The following CAPN13 variants were observed in gnomAD, a reference collection of about 807,000 sequenced individuals.
CAPN13 encodes calpain 13, also known as calpain-13.
In CAPN13, 90 loss-of-function variants were observed where a neutral mutation model predicts 98.4. The observed-to-expected ratio is 0.92, with a 90% confidence interval of 0.77 to 1.09. The LOEUF (loss-of-function observed/expected upper bound fraction) is 1.09, where lower values mean the gene tolerates loss of function less well. CAPN13 is among the 50% of genes least tolerant of loss of function. The probability of loss-of-function intolerance (pLI) is 0.00; values close to 1 mark genes in which losing one functional copy is unlikely to be tolerated. For missense variants in CAPN13, 887 were observed against 841.3 expected, an observed-to-expected ratio of 1.05 and a Z score of -0.67; for synonymous variants, 330 against 305.5, an observed-to-expected ratio of 1.08 and a Z score of -0.84.
At chr2:30,777,323 T>C (rs148324383) in intron 3 of CAPN13, among the ~76,000 whole-genome samples, 1 of 152,314 alleles carries the variant, frequency 6.6e-6, no homozygotes, top group East Asian at 1.9e-4. Context: ...TAAAATGGGG[T>C]TGTTGCACAC....
intron 5 of CAPN13, among the ~76,000 whole-genome samples, chr2:30,769,543 C>A (rs1673288281): frequency 6.6e-6 from 1 of 152,172 alleles, no homozygotes; most frequent in Non-Finnish European, 1.5e-5. Context: ...CATCCACAGT[C>A]CTGCACACAA....
rs116346145 is a variant in CAPN13, at chr2:30,730,520, A to G, written c.*30+210T>C. Among the ~76,000 whole-genome samples, 732 of 152,278 alleles carry G rather than the reference A, an allele frequency of 4.8e-3. 7 individuals are homozygous for G. Among genetic ancestry groups the G allele is most frequent in the African/African-American group, 0.017 (703 of 41,542 alleles). On this transcript the variant is annotated intron_variant, in intron 22 of 22. Transcript: ENST00000295055. Reference sequence around the variant, plus strand: ...CCTTTCAAGCCATGCCTTTCCATAAAGGTCCATTGGTCTACATTGTCTGCA... The same window carrying G: ...CCTTTCAAGCCATGCCTTTCCATAAGGGTCCATTGGTCTACATTGTCTGCA...
intron 9 of CAPN13, among the ~76,000 whole-genome samples, chr2:30,753,628 C>G (rs1672289177): frequency 6.6e-6 from 1 of 152,190 alleles, no homozygotes. Context: ...ATCCCACCTC[C>G]TACTGTGATT....
intron 4 of CAPN13, among the ~76,000 whole-genome samples, chr2:30,774,635 A>G (rs1673593669): frequency 6.6e-6 from 1 of 152,172 alleles, no homozygotes; most frequent in Non-Finnish European, 1.5e-5. Context: ...GACCTGTTGG[A>G]TAGCTATTGA....
At chr2:30,758,813 CT>C (rs1433192470) in intron 7 of CAPN13, among the ~76,000 whole-genome samples, 1 of 85,954 alleles carries the variant, frequency 1.2e-5, no homozygotes, top group African/African-American at 5.5e-5. Context: ...CCTCCCTTCC[CT>C]TCCTCCCTTC....
At position 30,757,118 on chromosome 2, in the gene CAPN13, TCATGTTCCCCA is replaced by T. The variant is rs1184321507; in HGVS notation, c.866+917_866+927del. 5.3e-5 allele frequency among the ~76,000 whole-genome samples: 8 copies of T among 152,258 alleles called. No individual in the cohort carries two copies. The East Asian group carries it at 9.6e-4, about 18-fold the overall frequency. Reference sequence around the variant, plus strand: ...CAAATGGATTGCACTTCCTTTCAGATCATGTTCCCCACCCCCAGCCCCACGGGCGATGATGC... The same window carrying T: ...CAAATGGATTGCACTTCCTTTCAGATCCCCCAGCCCCACGGGCGATGATGC... On this transcript the variant is annotated intron_variant, in intron 8 of 22. Transcript: ENST00000295055.
At chr2:30,759,099 A>T (rs1378077354) in intron 7 of CAPN13, among the ~76,000 whole-genome samples, 5 of 64,992 alleles carry the variant, frequency 7.7e-5, no homozygotes, top group Non-Finnish European at 5.6e-5. Context: ...GCCTCCCTTC[A>T]TCCCTCCCTC....
chr2:30,766,069 G>A (rs1212398674), intron 5 of CAPN13, among the ~76,000 whole-genome samples: 1 of 152,200 alleles, frequency 6.6e-6, no homozygotes, highest in African/African-American at 2.4e-5. Context: ...GGGAGTGGCT[G>A]AGGGTGCTGG....
At chr2:30,758,363 C>T (rs1277807085) in intron 7 of CAPN13, among the ~76,000 whole-genome samples, 1 of 152,192 alleles carries the variant, frequency 6.6e-6, no homozygotes, top group African/African-American at 2.4e-5. Context: ...CCGCTCAGCC[C>T]CTTGCAAGGG....
chr2:30,794,772 CCAGT>C (rs890504702), intron 1 of CAPN13, among the ~76,000 whole-genome samples: 2 of 151,800 alleles, frequency 1.3e-5, no homozygotes, highest in African/African-American at 2.4e-5. Flanking sequence ...TATGTGAAAG[CCAGT>C]CAAAGTAGAA....
At chr2:30,796,222 A>G (rs555321434) in intron 1 of CAPN13, among the ~76,000 whole-genome samples, 118 of 104,684 alleles carry the variant, frequency 1.1e-3, no homozygotes, top group Non-Finnish European at 1.7e-3. Context: ...ACACATATAT[A>G]TGTATATATA....
chr2:30,773,674 A>C (rs1673526661), intron 4 of CAPN13, among the ~76,000 whole-genome samples: 1 of 152,232 alleles, frequency 6.6e-6, no homozygotes, highest in African/African-American at 2.4e-5. Flanking sequence ...ACCTCTGGGC[A>C]CCAAAGAACA....
At position 30,764,285 on chromosome 2, in the gene CAPN13, A is replaced by G. The variant is rs556233436; in HGVS notation, c.546T>C (p.Asp182=). 1.2e-6 allele frequency: 2 copies of G among 1,613,844 alleles called. No individual in the cohort carries two copies. Among genetic ancestry groups the G allele is most frequent in the African/African-American group, 1.3e-5 (1 of 75,056 alleles). The part of the protein sequence containing the change: ...AYAKLLGSYS[D]LHYGFLEDAL... ...CATCCTCGAGGAAGCCATAGTGCAGATCGGAATAGGATCCGAGCAGCCTGG... is the reference window on the plus strand; with the variant it reads ...CATCCTCGAGGAAGCCATAGTGCAGGTCGGAATAGGATCCGAGCAGCCTGG... Residue 182 remains aspartate (D), a synonymous_variant, in exon 6 of 23, where the codon GAT becomes GAC. Transcript: ENST00000295055.
chr2:30,748,931 C>A (rs1184535882), intron 11 of CAPN13, among the ~76,000 whole-genome samples: 1 of 152,106 alleles, frequency 6.6e-6, no homozygotes, highest in East Asian at 1.9e-4. Flanking sequence ...GAGCCAGAAT[C>A]TTTGTGGTTT....
At chr2:30,758,271 A>G in intron 7 of CAPN13, 134 bp from the exon 8 acceptor site, 1 of 625,652 alleles carries the variant, frequency 1.6e-6, no homozygotes, top group Non-Finnish European at 2.7e-6. Context: ...CAGAAAAAAA[A>G]TTGAAAGGGA....
chr2:30,805,966 G>A (rs1385645727), intron 1 of CAPN13, among the ~76,000 whole-genome samples: 2 of 151,886 alleles, frequency 1.3e-5, no homozygotes, highest in African/African-American at 4.8e-5. Flanking sequence ...TTTTTGTAGA[G>A]ACAGGGTTTC....
At chr2:30,732,665 C>G (rs183233821) in intron 19 of CAPN13, 99 bp from the exon 20 acceptor site, 8 of 1,417,128 alleles carry the variant, frequency 5.6e-6, no homozygotes, top group Admixed American at 2.5e-5. Context: ...GCCCGGCCAC[C>G]TCCCACCAAC....
intron 11 of CAPN13, among the ~76,000 whole-genome samples, chr2:30,749,413 T>G (rs1455244351): frequency 6.6e-6 from 1 of 152,232 alleles, no homozygotes; most frequent in African/African-American, 2.4e-5. Flanking sequence ...GCCCTCTTAT[T>G]AGTGTAAACC....
chr2:30,755,073 C>T (rs1205009476), intron 8 of CAPN13, among the ~76,000 whole-genome samples: 1 of 152,104 alleles, frequency 6.6e-6, no homozygotes, highest in East Asian at 1.9e-4. Flanking sequence ...ACCTTACCCC[C>T]ACTCTTGAAT....
Sources: gnomAD v4.1 joint callset for allele counts (sites outside exome capture counted in the v4.1 genomes callset) on GRCh38, gnomAD v4.1.1 for gene constraint, MANE v1.5 for transcripts, NCBI Gene and HGNC (gene_info 2026-07-23, HGNC 2026-07-21) for gene names.